LAMB3: variants seen among roughly 807,000 people sequenced by gnomAD.
The protein encoded by LAMB3 is laminin subunit beta-3.
LAMB3 carries 104 observed loss-of-function variants against 140.3 expected under a neutral mutation model. The observed-to-expected ratio is 0.74, with a 90% CI of 0.63 to 0.87. The LOEUF is 0.87. Ranked by LOEUF, LAMB3 falls within the 40% of genes least tolerant of loss-of-function variation. The pLI is 0.00. For synonymous variants in LAMB3, 592 were observed against 602.9 expected (o/e 0.98, Z 0.26); for missense variants, 1,531 against 1,575.2 (o/e 0.97, Z 0.47).
intron 4 of LAMB3, 133 bp downstream of exon 4, chr1:209,638,401 C>A (rs1666961391): frequency 5.6e-6 from 4 of 714,768 alleles, no homozygotes; most frequent in Non-Finnish European, 1.0e-5. Flanking sequence ...CAGAAAGATT[C>A]TTCTTATCAA....
At chr1:209,632,911 C>T (rs780931566) in intron 7 of LAMB3, 135 bp from the exon 8 acceptor site, 97 of 1,039,892 alleles carry the variant, frequency 9.3e-5, no homozygotes, top group Non-Finnish European at 1.4e-4. Context: ...CCCATAGCAT[C>T]CCACAGACAA....
At chr1:209,622,926 G>T (rs930285308) in intron 17 of LAMB3, 56 bp downstream of exon 17, 65 of 1,581,248 alleles carry the variant, frequency 4.1e-5, no homozygotes, top group Non-Finnish European at 4.9e-5. Context: ...TTGCCCGGGG[G>T]ATCTATCCTG....
intron 22 of LAMB3, 57 bp downstream of exon 22, chr1:209,616,414 G>T: frequency 1.9e-6 from 3 of 1,598,086 alleles, no homozygotes; most frequent in Non-Finnish European, 2.6e-6. Flanking sequence ...CCTTGGGTTG[G>T]GTGGGACCAG....
At chr1:209,633,649 G>T (rs1270327739) in intron 6 of LAMB3, among the ~76,000 whole-genome samples, 2 of 152,160 alleles carry the variant, frequency 1.3e-5, no homozygotes, top group Admixed American at 1.3e-4. Flanking sequence ...GTTCTTATCT[G>T]GTGTGTGAAG....
At chr1:209,648,859 AT>A (rs869090924) in intron 3 of LAMB3, among the ~76,000 whole-genome samples, 5 of 151,268 alleles carry the variant, frequency 3.3e-5, no homozygotes, top group East Asian at 3.9e-4. Context: ...AAAAAAAAAA[AT>A]TTTTTTAATT....
intron 3 of LAMB3, among the ~76,000 whole-genome samples, chr1:209,646,269 C>T (rs2076517405): frequency 6.6e-6 from 1 of 152,174 alleles, no homozygotes; most frequent in Non-Finnish European, 1.5e-5. Context: ...ATGGTGCAGC[C>T]CCTGCCTTCA....
intron 2 of LAMB3, 77 bp downstream of exon 2, chr1:209,650,840 G>T: frequency 7.0e-7 from 1 of 1,429,768 alleles, no homozygotes. Context: ...CCACACTTTG[G>T]TAAACTCTCC....
At chr1:209,650,752 A>G (rs998847133) in intron 2 of LAMB3, among the ~76,000 whole-genome samples, 165 bp downstream of exon 2, 14 of 152,214 alleles carry the variant, frequency 9.2e-5, no homozygotes, top group South Asian at 8.3e-4. Flanking sequence ...CAAAGGCCCA[A>G]AGGAATGGGG....
At chr1:209,639,603 C>T (rs527503817) in intron 3 of LAMB3, among the ~76,000 whole-genome samples, 19 of 138,350 alleles carry the variant, frequency 1.4e-4, no homozygotes, top group African/African-American at 4.7e-4. Flanking sequence ...TAGCTTGTGC[C>T]TATGTGCATA....
At chr1:209,618,193 T>C in intron 19 of LAMB3, 145 bp from the exon 20 acceptor site, 1 of 1,094,344 alleles carries the variant, frequency 9.1e-7, no homozygotes, top group Non-Finnish European at 1.3e-6. Flanking sequence ...GTAGCTTTGA[T>C]GTCCCAGGAC....
Position 209,615,400 on chromosome 1 carries a change from C to G in LAMB3, c.3390G>C (p.Glu1130Asp). ...MEMMDRMKDM[E>D]LELLRGSQAI... is the part of the protein sequence containing the mutation. ...CCTGGCTGCCCCGCAGCAGCTCCAA[C>G]TCCATGTCTGAGGCAAATGGAACAG... is the stretch of plus-strand genomic sequence containing the variant. Residue 1130 changes from glutamate to aspartate, a missense_variant, in exon 23 of 23, where the codon GAG becomes GAC. Physicochemically the swap from Glu to Asp is conservative, Grantham distance 45. Transcript: ENST00000356082. 1 of 1,598,950 alleles carries G rather than the reference C, an allele frequency of 6.3e-7. No individual in the cohort carries two copies. The highest frequency in any genetic ancestry group is 1.1e-5 in the South Asian group (1 of 90,202).
intron 17 of LAMB3, 86 bp downstream of exon 17, chr1:209,622,896 T>A: frequency 6.7e-7 from 1 of 1,497,926 alleles, no homozygotes; most frequent in Non-Finnish European, 9.3e-7. Flanking sequence ...TGGACTTTAG[T>A]GTAAAATGGG....
chr1:209,618,690 G>T, intron 18 of LAMB3, 31 bp from the exon 19 acceptor site: 2 of 1,603,380 alleles, frequency 1.2e-6, no homozygotes, highest in Non-Finnish European at 1.7e-6. Context: ...GACTGTAGGA[G>T]CCCACTAACC....
chr1:209,628,801 C>G (rs1666571691), intron 10 of LAMB3, among the ~76,000 whole-genome samples: 1 of 152,176 alleles, frequency 6.6e-6, no homozygotes, highest in South Asian at 2.1e-4. Context: ...GTTGTCATTA[C>G]TTACTGAGCA....
Position 209,647,545 on chromosome 1 carries a change from T to G in LAMB3, c.183+2419A>C, listed in dbSNP as rs114321832. Among the ~76,000 whole-genome samples, 594 of 152,282 alleles carry G rather than the reference T, an allele frequency of 3.9e-3. 4 individuals are homozygous for G. The highest frequency in any genetic ancestry group is 0.013 in the African/African-American group (531 of 41,552). ...GGCTCAGGGCTCGCTATGTCATCCC[T>G]GCATGGAGATAGAACAGAGGCACTA... On this transcript the variant is annotated intron_variant, in intron 3 of 22. Coordinates refer to ENST00000356082, the MANE Select transcript of LAMB3 (RefSeq NM_000228.3).
rs866102823 is a variant in LAMB3, at chr1:209,627,541, G to A, written c.1327C>T (p.Pro443Ser). 6.2e-7 allele frequency: 1 copy of A among 1,614,078 alleles called. No individual in the cohort carries two copies. Among genetic ancestry groups the A allele is most frequent in the Non-Finnish European group, 8.5e-7 (1 of 1,180,026 alleles). ...CAGCGCCCACTCTCCTCGTCACACG[G>A]CATGTCCCTCCGGGACCCCAGGATG... ...CNILGSRRDMPCDEESGRCLC... is the reference protein window; with the variant it reads ...CNILGSRRDMSCDEESGRCLC... Residue 443 changes from proline to serine, a missense_variant, in exon 12 of 23, where the codon CCG becomes TCG. Transcript: ENST00000356082.
At chr1:209,649,917 C>T in intron 3 of LAMB3, 47 bp downstream of exon 3, 5 of 1,606,714 alleles carry the variant, frequency 3.1e-6, no homozygotes, top group South Asian at 2.2e-5. Context: ...GCAGCTCACA[C>T]ACCCCTCCCA....
In LAMB3 at chr1:209,634,377, G is replaced by T; in HGVS notation, c.564+70C>A. The T allele has an allele frequency of 2.7e-6, 4 of 1,489,344 alleles. No individual in the cohort carries two copies. In the Admixed American group the frequency reaches 5.0e-5, roughly 19 times the overall value. The allele number at this position is 1,489,344 out of a possible 1,614,324, so 92.3% of individuals were successfully genotyped here. A position where few individuals can be genotyped will look rare whatever the true frequency, so the allele number is the denominator to read the frequency against. Reference sequence around the variant, plus strand: ...TTTCCGTCCCTTCTCAGGAGTCCGTGTGGCTGTGTGAACAGTGGGACATCA... The same window carrying T: ...TTTCCGTCCCTTCTCAGGAGTCCGTTTGGCTGTGTGAACAGTGGGACATCA... On this transcript the variant is annotated intron_variant, in intron 6 of 22. Coordinates refer to ENST00000356082, the MANE Select transcript of LAMB3 (RefSeq NM_000228.3).
chr1:209,632,410 T>C (rs1388290881), intron 8 of LAMB3, among the ~76,000 whole-genome samples, 173 bp downstream of exon 8: 2 of 152,194 alleles, frequency 1.3e-5, no homozygotes, highest in Admixed American at 6.5e-5. Context: ...AAGTACTAAA[T>C]GATTCTGATT....
Sources: gnomAD v4.1 joint callset for allele counts (sites outside exome capture counted in the v4.1 genomes callset) on GRCh38, gnomAD v4.1.1 for gene constraint, MANE v1.5 for transcripts, NCBI Gene and HGNC (gene_info 2026-07-23, HGNC 2026-07-21) for gene names.